Variants in UBE2E2 observed in about 807,000 individuals in gnomAD.
UBE2E2 encodes ubiquitin-conjugating enzyme E2 E2.
Under a neutral mutation model 24.7 loss-of-function variants are expected in UBE2E2, and 6 were observed. That is an observed-to-expected ratio of 0.24 (90% confidence interval 0.13 to 0.48). The LOEUF (loss-of-function observed/expected upper bound fraction) is 0.48. UBE2E2 is among the 20% of genes least tolerant of loss of function. The pLI is 0.99. For missense variants in UBE2E2, 169 were observed against 245.0 expected (o/e 0.69, Z 2.07); for synonymous variants, 104 against 83.6 (o/e 1.24, Z -1.33).
chr3:23,501,607 A>C (rs1488579915), intron 4 of UBE2E2, among the ~76,000 whole-genome samples: 1 of 152,164 alleles, frequency 6.6e-6, no homozygotes, highest in Non-Finnish European at 1.5e-5. Context: ...GGAATGCTTT[A>C]TCTGTCCTCA....
chr3:23,401,644 C>T (rs188081192), intron 3 of UBE2E2, among the ~76,000 whole-genome samples: 7 of 152,132 alleles, frequency 4.6e-5, no homozygotes, highest in Admixed American at 3.3e-4. Context: ...TATATTGGTC[C>T]TGGGACATAG....
chr3:23,573,779 G>T (rs745726090), intron 5 of UBE2E2, among the ~76,000 whole-genome samples: 8 of 152,140 alleles, frequency 5.3e-5, no homozygotes, highest in African/African-American at 1.9e-4. Flanking sequence ...GATTAAAAGC[G>T]TGGATTTTGT....
intron 3 of UBE2E2, among the ~76,000 whole-genome samples, chr3:23,377,445 A>G (rs1361848357): frequency 6.6e-6 from 1 of 152,188 alleles, no homozygotes; most frequent in Non-Finnish European, 1.5e-5. Context: ...TTCCATTTTT[A>G]GGAGATCAAA....
chr3:23,393,276 G>C (rs1358057917), intron 3 of UBE2E2, among the ~76,000 whole-genome samples: 3 of 152,184 alleles, frequency 2.0e-5, no homozygotes, highest in Non-Finnish European at 4.4e-5. Flanking sequence ...GGAACTGTCT[G>C]TGAAGACTCC....
At chr3:23,274,764 T>A (rs1483365219) in intron 3 of UBE2E2, among the ~76,000 whole-genome samples, 1 of 152,212 alleles carries the variant, frequency 6.6e-6, no homozygotes, top group Non-Finnish European at 1.5e-5. Flanking sequence ...ACACTGGATA[T>A]TATTTGTAAA....
intron 5 of UBE2E2, among the ~76,000 whole-genome samples, chr3:23,579,868 C>G (rs763846624): frequency 6.6e-6 from 1 of 152,174 alleles, no homozygotes; most frequent in Non-Finnish European, 1.5e-5. Context: ...AAAATATCCA[C>G]ATTAACCAGA....
chr3:23,412,086 G>A (rs1399874141), intron 3 of UBE2E2, among the ~76,000 whole-genome samples: 1 of 151,980 alleles, frequency 6.6e-6, no homozygotes, highest in Non-Finnish European at 1.5e-5. Flanking sequence ...CCCATATCTA[G>A]CCAACTGAGT....
At position 23,474,714 on chromosome 3, in the gene UBE2E2, TAC is replaced by T. The variant is rs1433354598; in HGVS notation, c.228-24890_228-24889del. On this transcript the variant is annotated intron_variant, in intron 3 of 5. Transcript: ENST00000396703. This position sits in a 1 kb window ranked among gnomAD's most constrained non-coding sequence, Gnocchi z 4.0. Reference sequence around the variant, plus strand: ...TAATGCGTTAGACCAATTACAGTCTTACACAGTCTTCATCTTCCTCCCCTTTC... The same window carrying T: ...TAATGCGTTAGACCAATTACAGTCTTACAGTCTTCATCTTCCTCCCCTTTC... 6.6e-6 allele frequency among the ~76,000 whole-genome samples: 1 copy of T among 152,082 alleles called. No homozygotes were observed. Among genetic ancestry groups the T allele is most frequent in the Non-Finnish European group, 1.5e-5 (1 of 68,034 alleles).
intron 4 of UBE2E2, among the ~76,000 whole-genome samples, chr3:23,507,623 A>T (rs540471204): frequency 3.9e-5 from 6 of 152,244 alleles, no homozygotes; most frequent in Non-Finnish European, 8.8e-5. Flanking sequence ...GCAGAACCAG[A>T]ATCTAAACCC....
chr3:23,544,899 G>A (rs1194070125), intron 5 of UBE2E2, among the ~76,000 whole-genome samples: 3 of 152,158 alleles, frequency 2.0e-5, no homozygotes, highest in African/African-American at 4.8e-5. Flanking sequence ...CAATAGTGGG[G>A]AGAGGGTCAG....
At chr3:23,406,670 A>T (rs1697362870) in intron 3 of UBE2E2, among the ~76,000 whole-genome samples, 2 of 152,206 alleles carry the variant, frequency 1.3e-5, no homozygotes, top group African/African-American at 4.8e-5. Context: ...CTAAAAGATT[A>T]TCTTTGAGGT....
intron 3 of UBE2E2, among the ~76,000 whole-genome samples, chr3:23,410,667 G>A (rs1042704668): frequency 6.6e-6 from 1 of 152,166 alleles, no homozygotes; most frequent in Non-Finnish European, 1.5e-5. Context: ...AAAAACAAGT[G>A]TATGTAGAAG....
chr3:23,375,848 T>G (rs1371021894), intron 3 of UBE2E2, among the ~76,000 whole-genome samples: 1 of 152,174 alleles, frequency 6.6e-6, no homozygotes, highest in Non-Finnish European at 1.5e-5. Context: ...CACCAGAATC[T>G]TTCCTTCTGT....
chr3:23,370,559 C>G (rs575232229), intron 3 of UBE2E2, among the ~76,000 whole-genome samples: 2 of 152,184 alleles, frequency 1.3e-5, no homozygotes, highest in East Asian at 1.9e-4. Flanking sequence ...TAGTTAAGAA[C>G]TTTCTAAATG....
chr3:23,304,458 A>C (rs1464571779), intron 3 of UBE2E2, among the ~76,000 whole-genome samples: 4 of 152,206 alleles, frequency 2.6e-5, no homozygotes, highest in Admixed American at 6.5e-5. Flanking sequence ...ACTCATGTTA[A>C]TGTAAATATA....
chr3:23,400,612 A>ACACACACACACACACACACATACTCT (rs1553608483), intron 3 of UBE2E2, among the ~76,000 whole-genome samples: 6 of 110,056 alleles, frequency 5.5e-5, no homozygotes, highest in Non-Finnish European at 1.1e-4. Context: ...AATGAAACAC[A>ACACACACACACACACACACATACTCT]CACACACACA....
intron 3 of UBE2E2, among the ~76,000 whole-genome samples, chr3:23,454,319 A>G (rs988995338): frequency 1.3e-5 from 2 of 152,194 alleles, no homozygotes; most frequent in Non-Finnish European, 2.9e-5. Context: ...ATTATTTTAA[A>G]AGAACAAAAC....
At position 23,589,744 on chromosome 3, in the gene UBE2E2, G is replaced by T; in HGVS notation, c.519G>T (p.Leu173=). Residue 173 remains leucine (L), a synonymous_variant, in exon 6 of 6, where the codon CTG becomes CTT. Coordinates refer to ENST00000396703, the MANE Select transcript of UBE2E2 (RefSeq NM_152653.4). The surrounding 1 kb of genome is among the most constrained non-coding windows in gnomAD (Gnocchi z 4.1). The part of the protein sequence containing the change: ...LLTDCNPADP[L]VGSIATQYMT... ...CTGCTTTCCTTGCAGCTGACCCTCT[G>T]GTGGGCAGCATCGCCACACAGTACA... The T allele has an allele frequency of 6.2e-7, 1 of 1,613,954 alleles. No homozygotes were observed. The highest frequency in any genetic ancestry group is 8.5e-7 in the Non-Finnish European group (1 of 1,179,918).
chr3:23,214,880 T>C (rs574900216), intron 2 of UBE2E2, among the ~76,000 whole-genome samples: 1 of 152,194 alleles, frequency 6.6e-6, no homozygotes, highest in African/African-American at 2.4e-5. Context: ...TAGCTGTCTT[T>C]AGTCTTACTC....
Sources: allele counts gnomAD v4.1 joint callset (sites outside exome capture counted in the v4.1 genomes callset), GRCh38; gene constraint gnomAD v4.1.1; non-coding constraint Gnocchi (gnomAD v3.1); transcripts MANE v1.5; gene names NCBI Gene and HGNC (gene_info 2026-07-23, HGNC 2026-07-21).